DOCK4: variants seen among roughly 807,000 people sequenced by gnomAD.
DOCK4 encodes dedicator of cytokinesis 4.
A neutral mutation model predicts 268.1 loss-of-function variants in DOCK4; 97 were observed. The ratio of observed to expected loss-of-function variants is 0.36; its 90% confidence interval spans 0.31 to 0.43. The LOEUF is 0.43. Ranked by LOEUF, DOCK4 falls within the 20% of genes least tolerant of loss-of-function variation. DOCK4 has a pLI of 1.00. For missense variants in DOCK4, 2,145 were observed against 2,455.7 expected (o/e 0.87, Z 2.67); for synonymous variants, 954 against 887.2 (o/e 1.08, Z -1.34).
intron 23 of DOCK4, among the ~76,000 whole-genome samples, chr7:111,856,111 C>A (rs1437911542): frequency 6.6e-6 from 1 of 152,218 alleles, no homozygotes; most frequent in Admixed American, 6.5e-5. Flanking sequence ...GCCTGTGACA[C>A]ACATGCTCCC....
chr7:111,784,202 A>G, intron 32 of DOCK4, 79 bp from the exon 33 acceptor site: 1 of 1,432,708 alleles, frequency 7.0e-7, no homozygotes, highest in Non-Finnish European at 9.5e-7. Flanking sequence ...GCATATAATC[A>G]TATTTTCAAA....
intron 1 of DOCK4, among the ~76,000 whole-genome samples, chr7:112,147,420 C>T (rs1448651028): frequency 6.6e-6 from 1 of 152,180 alleles, no homozygotes; most frequent in Admixed American, 6.5e-5. Flanking sequence ...TGTCTACCAC[C>T]TTTAGCTCTG....
chr7:111,911,075 A>G (rs1792055723), intron 13 of DOCK4, among the ~76,000 whole-genome samples: 1 of 152,240 alleles, frequency 6.6e-6, no homozygotes, highest in African/African-American at 2.4e-5. Context: ...TTCATTCTGC[A>G]GAGAGGCGGT....
At chr7:112,145,995 G>T (rs1015014401) in intron 1 of DOCK4, among the ~76,000 whole-genome samples, 1 of 152,056 alleles carries the variant, frequency 6.6e-6, no homozygotes, top group Non-Finnish European at 1.5e-5. Flanking sequence ...AAATACACTG[G>T]AAGAGATAAT....
chr7:112,198,266 T>C (rs1820635328), intron 1 of DOCK4, among the ~76,000 whole-genome samples: 1 of 152,058 alleles, frequency 6.6e-6, no homozygotes, highest in East Asian at 1.9e-4. Flanking sequence ...CACGTGAAGA[T>C]ACAGCAAGAA....
intron 12 of DOCK4, among the ~76,000 whole-genome samples, chr7:111,924,834 T>C (rs1192214550): frequency 6.6e-6 from 1 of 152,180 alleles, no homozygotes; most frequent in Admixed American, 6.5e-5. Context: ...GGTTGTTCCA[T>C]TGGAGGAGGA....
chr7:111,893,356 C>T (rs912544966), intron 16 of DOCK4, among the ~76,000 whole-genome samples: 3 of 152,192 alleles, frequency 2.0e-5, no homozygotes, highest in Non-Finnish European at 2.9e-5. Flanking sequence ...GGAAAGCTAG[C>T]ACTGCCAAAG....
In DOCK4 at chr7:111,811,878, TA is replaced by T; in HGVS notation, c.3001del (p.Tyr1001IlefsTer15). 1 of 1,505,904 alleles carries T rather than the reference TA, an allele frequency of 6.6e-7. No individual in the cohort carries two copies. Among genetic ancestry groups the T allele is most frequent in the Non-Finnish European group, 9.0e-7 (1 of 1,107,204 alleles). The allele number at this position is 1,505,904 out of a possible 1,614,324, so 93.3% of individuals were successfully genotyped here. A position where few individuals can be genotyped will look rare whatever the true frequency, so the allele number is the denominator to read the frequency against. ...GTCATATAAATGAATGCTTACCTTATAATCAAAGTTTTCATTTAAGAAGTTC... is the reference window on the plus strand; with the variant it reads ...GTCATATAAATGAATGCTTACCTTATATCAAAGTTTTCATTTAAGAAGTTC... The part of the protein sequence containing the change: ...RKNFLNENFD[Y>X]KIWDSYFYLA... On this transcript the variant is annotated frameshift_variant, in exon 28 of 53. Coordinates refer to ENST00000428084, the MANE Select transcript of DOCK4 (RefSeq NM_001363540.2). LOFTEE classifies it high-confidence loss of function.
At chr7:111,793,112 A>G (rs1799663868) in intron 30 of DOCK4, among the ~76,000 whole-genome samples, 5 of 152,138 alleles carry the variant, frequency 3.3e-5, no homozygotes, top group Admixed American at 2.6e-4. Context: ...TCAAGTATTC[A>G]CTCTCTATTA....
At chr7:111,938,521 G>A (rs1051522051) in intron 11 of DOCK4, among the ~76,000 whole-genome samples, 1 of 152,182 alleles carries the variant, frequency 6.6e-6, no homozygotes, top group African/African-American at 2.4e-5. Flanking sequence ...CTCTGAAGAT[G>A]TTGCTGTATA....
intron 1 of DOCK4, among the ~76,000 whole-genome samples, chr7:112,124,747 A>G (rs1813061166): frequency 6.6e-6 from 1 of 152,234 alleles, no homozygotes; most frequent in Non-Finnish European, 1.5e-5. Context: ...GTGTTTTAAG[A>G]AAACCACTTA....
chr7:112,076,193 T>C (rs12666013), intron 1 of DOCK4, among the ~76,000 whole-genome samples: 30,517 of 152,084 alleles, frequency 0.2, 5,567 homozygotes, highest in African/African-American at 0.47. Context: ...AACAGTATGT[T>C]TTGTTTTTTT....
At chr7:111,969,437 AAAAC>A (rs1249258073) in intron 8 of DOCK4, among the ~76,000 whole-genome samples, 2,298 of 136,894 alleles carry the variant, frequency 0.017, 57 homozygotes, top group African/African-American at 0.067. Context: ...TTCTATTAAA[AAAAC>A]AAAAAAACAA....
At position 112,164,061 on chromosome 7, in the gene DOCK4, T is replaced by G. The variant is rs76508925; in HGVS notation, c.37+42041A>C. Reference sequence around the variant, plus strand: ...CACTTTGGAAGGCTAAGGTGGAGAATTGCTTGAGGCCAGGAGTTCAAGACC... The same window carrying G: ...CACTTTGGAAGGCTAAGGTGGAGAAGTGCTTGAGGCCAGGAGTTCAAGACC... On this transcript the variant is annotated intron_variant, in intron 1 of 52. Coordinates refer to ENST00000428084, the MANE Select transcript of DOCK4 (RefSeq NM_001363540.2). Among the ~76,000 whole-genome samples, 1,042 of 152,186 alleles carry G rather than the reference T, an allele frequency of 6.8e-3. 9 individuals carry two copies. The highest frequency in any genetic ancestry group is 0.024 in the African/African-American group (976 of 41,522).
chr7:112,115,322 G>T (rs567457081), intron 1 of DOCK4, among the ~76,000 whole-genome samples: 9 of 152,208 alleles, frequency 5.9e-5, no homozygotes, highest in African/African-American at 2.2e-4. Flanking sequence ...TGCTATCTAG[G>T]TGACACTCAG....
intron 1 of DOCK4, among the ~76,000 whole-genome samples, chr7:112,013,606 T>C (rs2135374268): frequency 6.6e-6 from 1 of 152,334 alleles, no homozygotes; most frequent in South Asian, 2.1e-4. Context: ...TGTGGGCCTC[T>C]TACTCCTGTC....
chr7:111,986,558 G>T (rs1431667054), intron 6 of DOCK4, among the ~76,000 whole-genome samples: 1 of 152,212 alleles, frequency 6.6e-6, no homozygotes, highest in Non-Finnish European at 1.5e-5. Context: ...GAGAGGATGA[G>T]AGGAGATCAC....
At chr7:111,835,140 C>G (rs1429001104) in intron 25 of DOCK4, among the ~76,000 whole-genome samples, 1 of 152,098 alleles carries the variant, frequency 6.6e-6, no homozygotes, top group Non-Finnish European at 1.5e-5. Context: ...TGACTTGCCC[C>G]AAGTCACTCA....
intron 42 of DOCK4, among the ~76,000 whole-genome samples, chr7:111,755,175 G>A (rs1452973584): frequency 6.6e-6 from 1 of 152,140 alleles, no homozygotes; most frequent in Non-Finnish European, 1.5e-5. Flanking sequence ...AAAGCAGGTA[G>A]TATTAGCACT....
Sources: gnomAD v4.1 joint callset for allele counts (sites outside exome capture counted in the v4.1 genomes callset) on GRCh38, gnomAD v4.1.1 for gene constraint, MANE v1.5 for transcripts, NCBI Gene and HGNC (gene_info 2026-07-23, HGNC 2026-07-21) for gene names.